ZFYVE9: variants seen among roughly 807,000 people sequenced by gnomAD.
ZFYVE9 encodes the protein zinc finger FYVE-type containing 9.
ZFYVE9 carries 43 observed loss-of-function variants against 126.7 expected under a neutral mutation model. The observed-to-expected ratio is 0.34, with a 90% CI of 0.27 to 0.44. ZFYVE9 has a LOEUF of 0.44. Ranked by LOEUF, ZFYVE9 falls within the 20% of genes least tolerant of loss-of-function variation. The pLI is 1.00. For synonymous variants in ZFYVE9, 521 were observed against 597.4 expected (o/e 0.87, Z 1.87); for missense variants, 1,476 against 1,697.0 (o/e 0.87, Z 2.29).
At chr1:52,266,458 A>G (rs1449377139) in intron 5 of ZFYVE9, among the ~76,000 whole-genome samples, 197 bp from the exon 6 acceptor site, 3 of 150,236 alleles carry the variant, frequency 2.0e-5, no homozygotes, top group South Asian at 2.1e-4. Flanking sequence ...ATTTGCTCCA[A>G]CCAAATAGTT....
At chr1:52,153,768 T>G (rs1250208781) in intron 1 of ZFYVE9, among the ~76,000 whole-genome samples, 1 of 152,150 alleles carries the variant, frequency 6.6e-6, no homozygotes, top group Non-Finnish European at 1.5e-5. Flanking sequence ...CCGCTTTGGG[T>G]GCCAGGACTT....
At position 52,293,450 on chromosome 1, in the gene ZFYVE9, T is replaced by C. The variant is rs761545180; in HGVS notation, c.3026-3T>C. The C allele has an allele frequency of 1.9e-6, 3 of 1,599,208 alleles. No individual in the cohort carries two copies. In the South Asian group the frequency reaches 3.4e-5, roughly 18 times the overall value. The stretch of plus-strand genomic sequence containing the variant: ...AGTAGCTAATAAACTTTTTTGTTTT[T>C]AGGGAATGTGGTGAGCAACTTGGGA... On this transcript the variant is annotated splice_region_variant and splice_polypyrimidine_tract_variant and intron_variant, in intron 10 of 18. Transcript: ENST00000287727.
intron 1 of ZFYVE9, among the ~76,000 whole-genome samples, chr1:52,204,665 T>G (rs1644956523): frequency 6.6e-6 from 1 of 151,988 alleles, no homozygotes. Context: ...AGGTGAAGGT[T>G]GCAGTGAGCT....
At chr1:52,268,693 C>T in intron 7 of ZFYVE9, 61 bp downstream of exon 7, 2 of 1,550,422 alleles carry the variant, frequency 1.3e-6, no homozygotes, top group African/African-American at 2.7e-5. Context: ...TGTGCTGCCT[C>T]TGTTGAATTA....
intron 1 of ZFYVE9, among the ~76,000 whole-genome samples, chr1:52,202,906 G>A (rs1048457086): frequency 2.0e-5 from 3 of 151,740 alleles, no homozygotes; most frequent in Non-Finnish European, 2.9e-5. Flanking sequence ...GGTTGGTCTC[G>A]AACTCCTGAC....
chr1:52,285,564 G>C (rs1157626069), intron 10 of ZFYVE9, among the ~76,000 whole-genome samples: 1 of 152,128 alleles, frequency 6.6e-6, no homozygotes, highest in Non-Finnish European at 1.5e-5. Context: ...AGGGATCTAG[G>C]TTGTGTGCTC....
At chr1:52,291,052 G>A (rs554652427) in intron 10 of ZFYVE9, among the ~76,000 whole-genome samples, 20 of 152,172 alleles carry the variant, frequency 1.3e-4, no homozygotes, top group Non-Finnish European at 1.9e-4. Flanking sequence ...ATACTGCTAC[G>A]TTGATATGAC....
At chr1:52,234,290 T>G (rs1645252413) in intron 3 of ZFYVE9, among the ~76,000 whole-genome samples, 1 of 152,028 alleles carries the variant, frequency 6.6e-6, no homozygotes, top group African/African-American at 2.4e-5. Flanking sequence ...TGAAACCCCG[T>G]CTCTACAGAA....
intron 1 of ZFYVE9, among the ~76,000 whole-genome samples, chr1:52,208,337 C>G (rs901910375): frequency 6.6e-6 from 1 of 152,144 alleles, no homozygotes; most frequent in African/African-American, 2.4e-5. Context: ...AAATTCCAGA[C>G]TCAGTTTTGC....
Position 52,332,343 on chromosome 1 carries a change from G to A in ZFYVE9, c.3439-425G>A, listed in dbSNP as rs183796506. ...AATTTGAATTTCATATGTTTTTAGA[G>A]GGAAGTTCACTCCTTTGGAAGTTGA... On this transcript the variant is annotated intron_variant, in intron 13 of 18. Coordinates refer to ENST00000287727, the MANE Select transcript of ZFYVE9 (RefSeq NM_004799.4). Among the ~76,000 whole-genome samples, 52 of 152,182 alleles carry A rather than the reference G, an allele frequency of 3.4e-4. 2 individuals carry two copies. The East Asian group carries it at 7.5e-3, about 22-fold the overall frequency.
At chr1:52,291,605 T>G (rs1475629847) in intron 10 of ZFYVE9, among the ~76,000 whole-genome samples, 1 of 152,170 alleles carries the variant, frequency 6.6e-6, no homozygotes, top group Non-Finnish European at 1.5e-5. Context: ...GTACATGAAT[T>G]ACATGCTCAC....
chr1:52,164,994 T>G (rs2124516808), intron 1 of ZFYVE9, among the ~76,000 whole-genome samples: 1 of 152,244 alleles, frequency 6.6e-6, no homozygotes, highest in Non-Finnish European at 1.5e-5. Context: ...ATGAAAAATT[T>G]CTGAAGATGG....
chr1:52,324,404 G>A (rs72895968), intron 13 of ZFYVE9, among the ~76,000 whole-genome samples: 1,763 of 152,302 alleles, frequency 0.012, 35 homozygotes, highest in African/African-American at 0.04. Flanking sequence ...GGAAGGGTAC[G>A]TATTTACATT....
At chr1:52,291,367 C>G (rs927307818) in intron 10 of ZFYVE9, among the ~76,000 whole-genome samples, 8 of 152,158 alleles carry the variant, frequency 5.3e-5, no homozygotes, top group Non-Finnish European at 1.2e-4. Flanking sequence ...ATAAATTTCT[C>G]TGATGGAGAT....
intron 1 of ZFYVE9, chr1:52,160,567 C>T: frequency 1.3e-6 from 1 of 749,046 alleles, no homozygotes. Context: ...CTCTCATGAC[C>T]TTCACATTAC....
At chr1:52,151,085 G>A (rs1644352621) in intron 1 of ZFYVE9, among the ~76,000 whole-genome samples, 1 of 151,014 alleles carries the variant, frequency 6.6e-6, no homozygotes, top group African/African-American at 2.4e-5. Flanking sequence ...TGTTTAAAAA[G>A]CAAGGTTGAG....
At chr1:52,336,160 G>T (rs1041329528) in intron 15 of ZFYVE9, among the ~76,000 whole-genome samples, 1 of 151,674 alleles carries the variant, frequency 6.6e-6, no homozygotes, top group Non-Finnish European at 1.5e-5. Flanking sequence ...CCTTTCTTAG[G>T]GCTGGATTCC....
chr1:52,322,502 C>T (rs756851049), intron 13 of ZFYVE9, among the ~76,000 whole-genome samples: 2 of 150,796 alleles, frequency 1.3e-5, no homozygotes, highest in Non-Finnish European at 3.0e-5. Context: ...CTCAGCCTCC[C>T]GAGTAGCTGG....
chr1:52,333,568 T>C (rs1411089712), intron 14 of ZFYVE9, among the ~76,000 whole-genome samples: 4 of 152,150 alleles, frequency 2.6e-5, no homozygotes, highest in Non-Finnish European at 5.9e-5. Flanking sequence ...GAAGCATTGC[T>C]CAAGAGGCGT....
Sources: allele counts gnomAD v4.1 joint callset (sites outside exome capture counted in the v4.1 genomes callset), GRCh38; gene constraint gnomAD v4.1.1; transcripts MANE v1.5; gene names NCBI Gene and HGNC (gene_info 2026-07-23, HGNC 2026-07-21).